ACO2: variants seen among roughly 807,000 people sequenced by gnomAD.
ACO2 encodes the protein aconitate hydratase, mitochondrial.
Under a neutral mutation model 84.5 loss-of-function variants are expected in ACO2, and 31 were observed. The ratio of observed to expected loss-of-function variants is 0.37; its 90% CI spans 0.28 to 0.50. The LOEUF is 0.50. Ranked by LOEUF, ACO2 falls within the 20% of genes least tolerant of loss-of-function variation. The pLI, the probability that ACO2 is intolerant of heterozygous loss-of-function variation, is 0.97. For missense variants in ACO2, 685 were observed against 1,029.3 expected, an observed-to-expected ratio of 0.67 and a Z score of 4.58; for synonymous variants, 414 against 412.7, an observed-to-expected ratio of 1.00 and a Z score of -0.04.
chr22:41,527,203 GT>G, intron 15 of ACO2, 84 bp from the exon 16 acceptor site: 2 of 1,601,300 alleles, frequency 1.2e-6, no homozygotes, highest in Admixed American at 3.4e-5. Flanking sequence ...CAGGCGCCAG[GT>G]GGGTGAGGCC....
chr22:41,474,980 A>G (rs2146077491), intron 1 of ACO2, among the ~76,000 whole-genome samples: 1 of 151,882 alleles, frequency 6.6e-6, no homozygotes, highest in South Asian at 2.1e-4. Flanking sequence ...CAAGTACTTT[A>G]TTTCACAGGT....
intron 8 of ACO2, among the ~76,000 whole-genome samples, chr22:41,519,956 T>C (rs1022310992): frequency 3.9e-5 from 6 of 152,208 alleles, no homozygotes; most frequent in African/African-American, 1.4e-4. Context: ...AGTTCCTTCA[T>C]CTGCAGAGCT....
At position 41,507,929 on chromosome 22, in the gene ACO2, G is replaced by A. The variant is rs2066406300; in HGVS notation, c.312G>A (p.Gln104=). ...DRVAMQDATA[Q]MAMLQFISSG... The stretch of plus-strand genomic sequence containing the variant: ...TGGCCATGCAGGATGCGACGGCCCA[G>A]ATGGCCATGCTCCAGTTCATCAGCA... The change falls in exon 3 of 18, where the codon CAG becomes CAA. Residue 104 remains glutamine, a synonymous_variant. Coordinates refer to ENST00000216254, the MANE Select transcript of ACO2 (RefSeq NM_001098.3). 2 of 1,614,138 alleles carry A rather than the reference G, an allele frequency of 1.2e-6. No individual in the cohort carries two copies. Among genetic ancestry groups the A allele is most frequent in the Non-Finnish European group, 8.5e-7 (1 of 1,180,054 alleles).
At position 41,505,427 on chromosome 22, in the gene ACO2, C is replaced by CAATAATAATAATAAT. The variant is rs59945427; in HGVS notation, c.174-2351_174-2337dup. On this transcript the variant is annotated intron_variant, in intron 2 of 17. Transcript: ENST00000216254. ...GCAAGACCCTGTCTCAAAATAATAA[C>CAATAATAATAATAAT]AATAATAATAATAATAATAATAATA... Among the ~76,000 whole-genome samples the CAATAATAATAATAAT allele has an allele frequency of 1.4e-4, 21 of 148,780 alleles. No homozygotes were observed. In the Middle Eastern group the frequency reaches 0.014, roughly 100 times the overall value.
rs150318056 is a variant in ACO2 at position 41,527,403 on chromosome 22, G to A, written c.2069G>A (p.Ser690Asn). The change falls in exon 16 of 18, where the codon AGC becomes AAC. Residue 690 changes from serine (S) to asparagine (N), a missense_variant. Coordinates refer to ENST00000216254, the MANE Select transcript of ACO2 (RefSeq NM_001098.3). ...GGGGGCCGGGCCATCATCACCAAGA[G>A]CTTTGCCAGGATCCACGGTGAGCTG... is the stretch of plus-strand genomic sequence containing the variant. ...HLGGRAIITK[S>N]FARIHETNLK... 4 of 1,612,512 alleles carry A rather than the reference G, an allele frequency of 2.5e-6. No individual in the cohort carries two copies. The highest frequency in any genetic ancestry group is 3.4e-6 in the Non-Finnish European group (4 of 1,179,552).
chr22:41,498,615 CCT>C (rs1331092752), intron 1 of ACO2, among the ~76,000 whole-genome samples: 2 of 152,094 alleles, frequency 1.3e-5, no homozygotes, highest in African/African-American at 4.8e-5. Context: ...GCAAGAGGCC[CCT>C]GTTCCTGTCT....
At chr22:41,512,026 G>A (rs2066437009) in intron 4 of ACO2, 58 bp downstream of exon 4, 1 of 1,426,614 alleles carries the variant, frequency 7.0e-7, no homozygotes, top group Admixed American at 2.3e-5. Context: ...TATGTTCCAG[G>A]CCTATGGGGG....
chr22:41,482,723 C>T (rs1470348053), intron 1 of ACO2, among the ~76,000 whole-genome samples: 1 of 152,182 alleles, frequency 6.6e-6, no homozygotes, highest in African/African-American at 2.4e-5. Flanking sequence ...ATGTGCCAGG[C>T]ACTGGTCTAG....
At chr22:41,507,333 G>T (rs2066400952) in intron 2 of ACO2, among the ~76,000 whole-genome samples, 1 of 152,166 alleles carries the variant, frequency 6.6e-6, no homozygotes, top group Non-Finnish European at 1.5e-5. Flanking sequence ...TAGTGGGGCT[G>T]AGGGCACAGA....
intron 3 of ACO2, among the ~76,000 whole-genome samples, chr22:41,510,553 G>A (rs569049808): frequency 2.0e-5 from 3 of 152,314 alleles, no homozygotes; most frequent in African/African-American, 7.2e-5. Flanking sequence ...AAGGGTCCGA[G>A]GGCACTGGCT....
At chr22:41,514,651 A>G (rs1203938335) in intron 4 of ACO2, among the ~76,000 whole-genome samples, 1 of 152,176 alleles carries the variant, frequency 6.6e-6, no homozygotes, top group Non-Finnish European at 1.5e-5. Context: ...ACAGCACCCA[A>G]GGTGTTGAGC....
At chr22:41,528,442 CCCA>C in intron 17 of ACO2, 34 bp from the exon 18 acceptor site, 1 of 1,607,428 alleles carries the variant, frequency 6.2e-7, no homozygotes, top group South Asian at 1.1e-5. Context: ...GCACACAGTA[CCCA>C]CCACTTCCAC....
chr22:41,504,042 T>G (rs1215141660), intron 2 of ACO2, among the ~76,000 whole-genome samples: 1 of 151,858 alleles, frequency 6.6e-6, no homozygotes, highest in Non-Finnish European at 1.5e-5. Context: ...GGTGAAACAC[T>G]GTGTCTACTA....
At chr22:41,487,685 A>G (rs993175286) in intron 1 of ACO2, among the ~76,000 whole-genome samples, 1 of 151,866 alleles carries the variant, frequency 6.6e-6, no homozygotes, top group African/African-American at 2.4e-5. Context: ...GATAATCTAT[A>G]CTTCTAGATG....
At chr22:41,528,237 T>G in intron 17 of ACO2, 1 of 835,344 alleles carries the variant, frequency 1.2e-6, no homozygotes, top group Non-Finnish European at 1.8e-6. Flanking sequence ...AACCTCCCTT[T>G]ACTCACCAGG....
intron 1 of ACO2, among the ~76,000 whole-genome samples, chr22:41,469,788 A>G (rs2267431): frequency 0.085 from 12,937 of 151,988 alleles, 1,552 homozygotes; most frequent in East Asian, 0.47. Context: ...TTAATTCTTC[A>G]TAATATTATT....
chr22:41,514,989 T>C (rs1209581232), intron 4 of ACO2, among the ~76,000 whole-genome samples: 1 of 152,060 alleles, frequency 6.6e-6, no homozygotes, highest in Non-Finnish European at 1.5e-5. Flanking sequence ...AGAAGCCAGG[T>C]GGGGATGCTC....
chr22:41,526,006 A>G (rs2066586560), intron 14 of ACO2: 1 of 422,208 alleles, frequency 2.4e-6, no homozygotes, highest in East Asian at 3.8e-5. Context: ...ACCTGTCCCA[A>G]CTTTGGGCGG....
At chr22:41,494,140 A>G (rs1191816885) in intron 1 of ACO2, among the ~76,000 whole-genome samples, 1 of 152,180 alleles carries the variant, frequency 6.6e-6, no homozygotes, top group African/African-American at 2.4e-5. Context: ...TAAGGGTGAA[A>G]TGTGTAGCTG....
Sources: allele counts gnomAD v4.1 joint callset (sites outside exome capture counted in the v4.1 genomes callset), GRCh38; gene constraint gnomAD v4.1.1; transcripts MANE v1.5; gene names NCBI Gene and HGNC (gene_info 2026-07-23, HGNC 2026-07-21).